Variants in SCAMP2 observed in about 807,000 individuals in gnomAD.
SCAMP2 encodes secretory carrier-associated membrane protein 2.
SCAMP2 carries 25 observed loss-of-function variants against 44.1 expected under a neutral mutation model. The ratio of observed to expected loss-of-function variants is 0.57; its 90% CI spans 0.41 to 0.79. The LOEUF is 0.79. SCAMP2 is among the 30% of genes least tolerant of loss of function. The pLI is 0.00. For synonymous variants in SCAMP2, 156 were observed against 166.0 expected, an observed-to-expected ratio of 0.94 and a Z score of 0.46; for missense variants, 355 against 411.0, an observed-to-expected ratio of 0.86 and a Z score of 1.18.
At chr15:74,855,584 C>T (rs1021641387) in intron 1 of SCAMP2, among the ~76,000 whole-genome samples, 12 of 151,860 alleles carry the variant, frequency 7.9e-5, no homozygotes, top group Admixed American at 2.0e-4. Context: ...GGTGTGGTGG[C>T]GCATGCCTGT....
rs779797506 is a variant in SCAMP2, at chr15:74,845,591, C to A, written c.737G>T (p.Gly246Val). ...CAGTGTAGACAGGGCTGCAATCCAA[C>A]CGCTATAAAGGGAAGAAGAGGCCAG... ...LVGIPGLGDS[G>V]WIAALSTLDN... Residue 246 changes from glycine (G) to valine (V), a missense_variant and splice_region_variant, in exon 8 of 9, where the codon GGT becomes GTT. Coordinates refer to ENST00000268099, the MANE Select transcript of SCAMP2 (RefSeq NM_005697.5). 54 of 1,613,844 alleles carry A rather than the reference C, an allele frequency of 3.3e-5. No individual in the cohort carries two copies. Among genetic ancestry groups the A allele is most frequent in the Non-Finnish European group, 4.6e-5 (54 of 1,179,966 alleles).
chr15:74,867,630 C>T (rs142297209), intron 1 of SCAMP2, among the ~76,000 whole-genome samples: 1 of 152,324 alleles, frequency 6.6e-6, no homozygotes, highest in African/African-American at 2.4e-5. Flanking sequence ...TGGGAAGGTC[C>T]CACTGTCTGC....
chr15:74,862,853 T>TACAC (rs112611741), intron 1 of SCAMP2, among the ~76,000 whole-genome samples: 1,857 of 87,450 alleles, frequency 0.021, 40 homozygotes, highest in South Asian at 0.038. Context: ...AAACAAACCA[T>TACAC]ACACACACAC....
Position 74,844,965 on chromosome 15 carries a change from C to T in SCAMP2, c.*118G>A, listed in dbSNP as rs977913346. ...GTCGCTGAGGGAGGAGGAAGAGCCA[C>T]GGCAAGAACCCTGCCAGGTCTGTGC... On this transcript the variant is annotated 3_prime_UTR_variant, in exon 9 of 9. Coordinates refer to ENST00000268099, the MANE Select transcript of SCAMP2 (RefSeq NM_005697.5). The T allele has an allele frequency of 7.3e-5, 90 of 1,228,010 alleles. No homozygotes were observed. In the African/African-American group the frequency reaches 7.6e-4, roughly 10 times the overall value. 76.1% of individuals were successfully genotyped at this position (1,228,010 alleles called of 1,614,324 possible). A position where few individuals can be genotyped will look rare whatever the true frequency, so the allele number is the denominator to read the frequency against.
chr15:74,849,309 G>A (rs531230059), intron 6 of SCAMP2, among the ~76,000 whole-genome samples: 4 of 152,266 alleles, frequency 2.6e-5, no homozygotes, highest in South Asian at 2.1e-4. Context: ...TTAGCTGGGC[G>A]TGGTGGTGTG....
intron 3 of SCAMP2, chr15:74,852,850 G>A (rs1237687642): frequency 6.5e-6 from 1 of 152,906 alleles, no homozygotes. Context: ...CTCCAGGCGG[G>A]GTAGAGCCTC....
Position 74,850,495 on chromosome 15 carries a change from TTGCCCCGGCCTCACTCACC to T in SCAMP2, c.632_632+18del, listed in dbSNP as rs777816893. On this transcript the variant is annotated splice_donor_variant and splice_donor_5th_base_variant and coding_sequence_variant and intron_variant, in exon 6 of 9. Transcript: ENST00000268099. LOFTEE classifies it high-confidence loss of function. ...GATGCCAGCCATAAAGTCTCACCCCTTGCCCCGGCCTCACTCACCTAAAGGCCTTATAGATGGGTCGGTA... is the reference window on the plus strand; with the variant it reads ...GATGCCAGCCATAAAGTCTCACCCCTTAAAGGCCTTATAGATGGGTCGGTA... The T allele has an allele frequency of 2.5e-6, 4 of 1,612,348 alleles. No individual in the cohort carries two copies. Among genetic ancestry groups the T allele is most frequent in the Non-Finnish European group, 3.4e-6 (4 of 1,178,818 alleles).
intron 1 of SCAMP2, among the ~76,000 whole-genome samples, chr15:74,859,615 ACT>A (rs1491483467): frequency 1.2e-4 from 13 of 112,136 alleles, no homozygotes; most frequent in Admixed American, 2.8e-4. Context: ...TGAAAACCAC[ACT>A]TTTTTTTTTT....
At chr15:74,854,744 C>T in intron 1 of SCAMP2, 95 bp from the exon 2 acceptor site, 1 of 1,101,176 alleles carries the variant, frequency 9.1e-7, no homozygotes, top group Non-Finnish European at 1.3e-6. Context: ...AGCAGGGCAG[C>T]TGATCACCCT....
chr15:74,855,811 C>T (rs753093491), intron 1 of SCAMP2, among the ~76,000 whole-genome samples: 3 of 151,494 alleles, frequency 2.0e-5, no homozygotes, highest in African/African-American at 7.3e-5. Context: ...GGCACACTTG[C>T]TAAGAGCAGA....
chr15:74,864,210 T>A (rs901375683), intron 1 of SCAMP2, among the ~76,000 whole-genome samples: 1 of 152,160 alleles, frequency 6.6e-6, no homozygotes, highest in Non-Finnish European at 1.5e-5. Context: ...TACAGGTGTG[T>A]GCCACCATGC....
intron 1 of SCAMP2, among the ~76,000 whole-genome samples, chr15:74,863,030 G>A (rs2064519124): frequency 6.6e-6 from 1 of 151,714 alleles, no homozygotes; most frequent in East Asian, 1.9e-4. Flanking sequence ...GCATCATGAT[G>A]AAACCCCGTC....
At position 74,844,211 on chromosome 15, in the gene SCAMP2, G is replaced by A. The variant is rs572492628; in HGVS notation, c.*872C>T. The stretch of plus-strand genomic sequence containing the variant: ...CGTCCCTCGGTTCGGGGAGGGGGGG[G>A]GGTAGTCACAGCAAACAGGGCCAAA... On this transcript the variant is annotated 3_prime_UTR_variant, in exon 9 of 9. Coordinates refer to ENST00000268099, the MANE Select transcript of SCAMP2 (RefSeq NM_005697.5). 6.8e-6 allele frequency: 1 copy of A among 147,470 alleles called. No homozygotes were observed. Among genetic ancestry groups the A allele is most frequent in the East Asian group, 2.1e-4 (1 of 4,776 alleles). 9.1% of individuals were successfully genotyped at this position (147,470 alleles called of 1,614,324 possible). A position where few individuals can be genotyped will look rare whatever the true frequency, so the allele number is the denominator to read the frequency against.
intron 3 of SCAMP2, chr15:74,852,439 T>C (rs925342175): frequency 2.8e-6 from 1 of 358,008 alleles, no homozygotes; most frequent in East Asian, 4.2e-5. Context: ...ATCCCTAAGC[T>C]TGAGTTGGGA....
intron 1 of SCAMP2, among the ~76,000 whole-genome samples, chr15:74,857,096 T>C (rs2064473540): frequency 6.6e-6 from 1 of 152,102 alleles, no homozygotes. Context: ...CTCTTATCTC[T>C]TATCTTCCCA....
intron 7 of SCAMP2, among the ~76,000 whole-genome samples, chr15:74,846,779 A>G (rs2064402442): frequency 6.6e-6 from 1 of 152,072 alleles, no homozygotes; most frequent in Non-Finnish European, 1.5e-5. Context: ...ATTAATTAAA[A>G]AGGTAGCACT....
At position 74,854,031 on chromosome 15, in the gene SCAMP2, G is replaced by A. The variant is rs1390794039; in HGVS notation, c.215C>T (p.Pro72Leu). The A allele has an allele frequency of 1.4e-5, 23 of 1,613,776 alleles. No homozygotes were observed. The highest frequency in any genetic ancestry group is 9.3e-5 in the African/African-American group (7 of 74,930). Residue 72 changes from proline (P) to leucine (L), a missense_variant, in exon 3 of 9, where the codon CCG (proline) becomes CTG (leucine). Transcript: ENST00000268099. The stretch of plus-strand genomic sequence containing the variant: ...CTTTGTCAGCACTACCTGGGGGGTC[G>A]GCTGGGTTGGTTCCACTGATGGCTG... ...VLQPSVEPTQPTPQAVVSAAQ... is the reference protein window; with the variant it reads ...VLQPSVEPTQLTPQAVVSAAQ...
At chr15:74,865,396 A>G (rs2064535814) in intron 1 of SCAMP2, among the ~76,000 whole-genome samples, 1 of 146,106 alleles carries the variant, frequency 6.8e-6, no homozygotes. Context: ...AAAAAAAAAG[A>G]AAAGAAAAGA....
intron 1 of SCAMP2, among the ~76,000 whole-genome samples, chr15:74,861,312 G>A (rs1185142051): frequency 2.0e-5 from 3 of 152,292 alleles, no homozygotes; most frequent in South Asian, 2.1e-4. Flanking sequence ...CACAGAGCAC[G>A]AAAAAGCAAT....
Sources: allele counts gnomAD v4.1 joint callset (sites outside exome capture counted in the v4.1 genomes callset), GRCh38; gene constraint gnomAD v4.1.1; transcripts MANE v1.5; gene names NCBI Gene and HGNC (gene_info 2026-07-23, HGNC 2026-07-21).